ILDR2: variants seen among roughly 807,000 people sequenced by gnomAD.
ILDR2 encodes immunoglobulin like domain containing receptor 2.
In ILDR2, 25 loss-of-function variants were observed where a neutral mutation model predicts 66.8. That is an observed-to-expected ratio of 0.37 (90% CI 0.27 to 0.52). The LOEUF (loss-of-function observed/expected upper bound fraction) is 0.52. Among genes scored for constraint, ILDR2 ranks in the 20% least tolerant of loss-of-function variants. ILDR2 has a pLI of 0.88. For synonymous variants in ILDR2, 367 were observed against 357.2 expected, an observed-to-expected ratio of 1.03 and a Z score of -0.31; for missense variants, 827 against 876.8, an observed-to-expected ratio of 0.94 and a Z score of 0.72.
chr1:166,923,525 T>C (rs1170027173), intron 7 of ILDR2, among the ~76,000 whole-genome samples: 1 of 152,204 alleles, frequency 6.6e-6, no homozygotes, highest in Non-Finnish European at 1.5e-5. Flanking sequence ...CCCAAAAAAG[T>C]TTTCCAGGGG....
chr1:166,947,236 A>G (rs1661668832), intron 3 of ILDR2, among the ~76,000 whole-genome samples: 1 of 152,206 alleles, frequency 6.6e-6, no homozygotes, highest in South Asian at 2.1e-4. Flanking sequence ...AGTTTCTTGG[A>G]GCCCAGTGTG....
downstream of ILDR2, among the ~76,000 whole-genome samples, chr1:166,904,766 ACAG>A (rs1659313557): frequency 6.6e-6 from 1 of 152,316 alleles, no homozygotes; most frequent in Middle Eastern, 3.4e-3. Context: ...GTATTCCAGG[ACAG>A]CCAGGGCCAG....
At chr1:166,967,806 A>G (rs991111874) in intron 1 of ILDR2, among the ~76,000 whole-genome samples, 1 of 152,162 alleles carries the variant, frequency 6.6e-6, no homozygotes, top group African/African-American at 2.4e-5. Flanking sequence ...GTTCATGTTG[A>G]TGAATGGCAT....
In ILDR2 at chr1:166,919,272, C is replaced by A; in HGVS notation, c.*83G>T. ...TCCAAGGTGATGGCCAGAGAAGGTC[C>A]TGGGCCTGCTGGTTCTTAGATTTGT... On this transcript the variant is annotated 3_prime_UTR_variant, in exon 10 of 10. Coordinates refer to ENST00000271417, the MANE Select transcript of ILDR2 (RefSeq NM_199351.3). The A allele has an allele frequency of 7.6e-7, 1 of 1,314,118 alleles. No homozygotes were observed. The allele number at this position is 1,314,118 out of a possible 1,614,324, so 81.4% of individuals were successfully genotyped here. A position where few individuals can be genotyped will look rare whatever the true frequency, so the allele number is the denominator to read the frequency against.
Position 166,913,543 on chromosome 1 carries a change from T to C in ILDR2, c.*5812A>G, listed in dbSNP as rs1659525231. The stretch of plus-strand genomic sequence containing the variant: ...TCCCAGAAGAAATGAGTCAGACTAG[T>C]TACTTCATGGCCAGCCCCACCAAGA... On this transcript the variant is annotated 3_prime_UTR_variant, in exon 10 of 10. Transcript: ENST00000271417. The C allele has an allele frequency of 6.6e-6, 1 of 152,220 alleles. No individual in the cohort carries two copies. Among genetic ancestry groups the C allele is most frequent in the South Asian group, 2.1e-4 (1 of 4,828 alleles). The allele number at this position is 152,220 out of a possible 1,614,324, so 9.4% of individuals were successfully genotyped here.
chr1:166,946,994 AAGGCATT>A (rs1446833225), intron 3 of ILDR2, among the ~76,000 whole-genome samples: 2 of 152,270 alleles, frequency 1.3e-5, no homozygotes, highest in Non-Finnish European at 2.9e-5. Context: ...GGCTAATTGA[AAGGCATT>A]CACCATGCTG....
chr1:166,896,961 G>A (rs1456039110), intron 2 of ILDR2, among the ~76,000 whole-genome samples: 1 of 152,084 alleles, frequency 6.6e-6, no homozygotes, highest in Non-Finnish European at 1.5e-5. Flanking sequence ...AAAAAATTAG[G>A]CTCCCAGAAA....
rs758106687 is a variant in ILDR2 at position 166,921,018 on chromosome 1, C to T, written c.1573G>A (p.Asp525Asn). 1.8e-5 allele frequency: 27 copies of T among 1,514,840 alleles called. No homozygotes were observed. The highest frequency in any genetic ancestry group is 1.1e-4 in the South Asian group (9 of 80,982). The allele number at this position is 1,514,840 out of a possible 1,614,324, so 93.8% of individuals were successfully genotyped here. A position where few individuals can be genotyped will look rare whatever the true frequency, so the allele number is the denominator to read the frequency against. Residue 525 changes from aspartate to asparagine, a missense_variant, in exon 9 of 10, where the codon GAC becomes AAC. Physicochemically the swap from Asp to Asn is conservative, Grantham distance 23. Around this residue, in one of 2 missense-constraint regions of ILDR2, gnomAD observed 390 missense variants for 353.6 expected, o/e 1.10. Transcript: ENST00000271417. The surrounding 1 kb of genome is among the most constrained non-coding windows in gnomAD (Gnocchi z 5.3). ...CGCGCGCTGCCCAGGTACGAGTGGT[C>T]GTATTTGGGTGCGGTGCCTGGCGTG... The part of the protein sequence containing the change: ...SRTPGTAPKY[D>N]HSYLGSARER...
At chr1:166,961,936 C>G (rs1455683469) in intron 1 of ILDR2, among the ~76,000 whole-genome samples, 3 of 152,182 alleles carry the variant, frequency 2.0e-5, no homozygotes, top group African/African-American at 7.2e-5. Flanking sequence ...GAGAGTAACC[C>G]TGCACGTGTA....
intron 6 of ILDR2, among the ~76,000 whole-genome samples, chr1:166,933,140 G>T (rs886512684): frequency 1.3e-5 from 2 of 152,180 alleles, no homozygotes; most frequent in African/African-American, 4.8e-5. Context: ...CCGTGATTTT[G>T]TTCACTTCCA....
At chr1:166,931,883 A>G (rs1246092147) in intron 6 of ILDR2, among the ~76,000 whole-genome samples, 1 of 152,218 alleles carries the variant, frequency 6.6e-6, no homozygotes, top group Non-Finnish European at 1.5e-5. Flanking sequence ...GATTAATTCA[A>G]TTTCCTAGGG....
At chr1:166,967,935 C>CATCCT (rs1242457952) in intron 1 of ILDR2, among the ~76,000 whole-genome samples, 2 of 152,210 alleles carry the variant, frequency 1.3e-5, no homozygotes, top group African/African-American at 4.8e-5. Flanking sequence ...CCAATTCTCT[C>CATCCT]ATCCTCACTG....
At chr1:166,949,557 A>G (rs1557948275) in intron 3 of ILDR2, among the ~76,000 whole-genome samples, 1 of 152,248 alleles carries the variant, frequency 6.6e-6, no homozygotes. Context: ...GGTGCCTATC[A>G]AAGAGCAAGG....
chr1:166,967,401 C>G (rs555513859), intron 1 of ILDR2, among the ~76,000 whole-genome samples: 145 of 151,906 alleles, frequency 9.5e-4, no homozygotes, highest in Non-Finnish European at 1.7e-3. Flanking sequence ...GAAGGAAGGA[C>G]AGTAGGAAGG....
intron 6 of ILDR2, among the ~76,000 whole-genome samples, chr1:166,931,481 T>C (rs1660635226): frequency 6.6e-6 from 1 of 152,224 alleles, no homozygotes; most frequent in African/African-American, 2.4e-5. Flanking sequence ...TCCTTATTAA[T>C]TTTGAAAATG....
intron 1 of ILDR2, among the ~76,000 whole-genome samples, chr1:166,967,039 T>C (rs1007011385): frequency 6.6e-6 from 1 of 152,236 alleles, no homozygotes; most frequent in Non-Finnish European, 1.5e-5. Flanking sequence ...CTTTCAGTAA[T>C]AGAAATTCCC....
rs529686512 is a variant in ILDR2 at position 166,916,183 on chromosome 1, C to T, written c.*3172G>A. On this transcript the variant is annotated 3_prime_UTR_variant, in exon 10 of 10. Transcript: ENST00000271417. ...CAGCTTATGCATCATCCCCCTGGGA[C>T]CCCTGCTGCTCACCCTTTCCCGATC... is the stretch of plus-strand genomic sequence containing the variant. 7 of 152,252 alleles carry T rather than the reference C, an allele frequency of 4.6e-5. No individual in the cohort carries two copies. Among genetic ancestry groups the T allele is most frequent in the Admixed American group, 3.3e-4 (5 of 15,282 alleles). The allele number at this position is 152,252 out of a possible 1,614,324, so 9.4% of individuals were successfully genotyped here. A position where few individuals can be genotyped will look rare whatever the true frequency, so the allele number is the denominator to read the frequency against.
chr1:166,962,311 A>G (rs1470510131), intron 1 of ILDR2, among the ~76,000 whole-genome samples: 1 of 152,012 alleles, frequency 6.6e-6, no homozygotes, highest in African/African-American at 2.4e-5. Flanking sequence ...TGTTTACCTT[A>G]TTTAGAGACT....
rs746466477 is a variant in ILDR2, at chr1:166,920,911, C to A, written c.1680G>T (p.Pro560=). 1 of 1,475,856 alleles carries A rather than the reference C, an allele frequency of 6.8e-7. No individual in the cohort carries two copies. The highest frequency in any genetic ancestry group is 2.9e-5 in the East Asian group (1 of 35,062). The allele number at this position is 1,475,856 out of a possible 1,614,324, so 91.4% of individuals were successfully genotyped here. A position where few individuals can be genotyped will look rare whatever the true frequency, so the allele number is the denominator to read the frequency against. Residue 560 remains proline, a synonymous_variant, in exon 9 of 10, where the codon CCG becomes CCT. Coordinates refer to ENST00000271417, the MANE Select transcript of ILDR2 (RefSeq NM_199351.3). ...TPSKRSAQLG[P]RSASYYAWSP... is the part of the protein sequence containing the mutation. Reference sequence around the variant, plus strand: ...ACCAAGCGTAGTAGGAGGCGCTGCGCGGGCCGAGCTGCGCGCTCCGCTTGG... The same window carrying A: ...ACCAAGCGTAGTAGGAGGCGCTGCGAGGGCCGAGCTGCGCGCTCCGCTTGG...
Sources: gnomAD v4.1 joint callset for allele counts (sites outside exome capture counted in the v4.1 genomes callset) on GRCh38, gnomAD v4.1.1 for gene constraint, gnomAD v4.1.1 regional missense constraint, Gnocchi (gnomAD v3.1) non-coding constraint, MANE v1.5 for transcripts, NCBI Gene and HGNC (gene_info 2026-07-23, HGNC 2026-07-21) for gene names.